The following TAFA2 variants were observed in gnomAD, a reference collection of about 807,000 sequenced individuals.
The protein encoded by TAFA2 is chemokine-like protein TAFA-2.
TAFA2 carries 7 observed loss-of-function variants against 18.8 expected under a neutral mutation model. The ratio of observed to expected loss-of-function variants is 0.37; its 90% CI spans 0.21 to 0.70. TAFA2 has a LOEUF of 0.70. Ranked by LOEUF, TAFA2 falls within the 30% of genes least tolerant of loss-of-function variation. The pLI is 0.53. For missense variants in TAFA2, 122 were observed against 158.1 expected, an observed-to-expected ratio of 0.77 and a Z score of 1.23; for synonymous variants, 60 against 54.2, an observed-to-expected ratio of 1.11 and a Z score of -0.47.
intron 1 of TAFA2, among the ~76,000 whole-genome samples, chr12:62,224,338 T>G (rs1472760135): frequency 2.6e-5 from 4 of 152,084 alleles, no homozygotes; most frequent in Non-Finnish European, 5.9e-5. Context: ...TAATAGAAAT[T>G]TATTTCTTAC....
chr12:62,002,528 C>T lies in TAFA2; in HGVS notation c.-1-135102G>A, dbSNP rs191880597. ...CATAAAATTTCCTAGCTTAGACTCTCATGTCATCAGATTACATCACTCGCA... is the reference window on the plus strand; with the variant it reads ...CATAAAATTTCCTAGCTTAGACTCTTATGTCATCAGATTACATCACTCGCA... On this transcript the variant is annotated intron_variant, in intron 1 of 4. Coordinates refer to ENST00000416284, the MANE Select transcript of TAFA2 (RefSeq NM_178539.5). Among the ~76,000 whole-genome samples the T allele has an allele frequency of 1.7e-4, 26 of 152,296 alleles. No homozygotes were observed. The East Asian group carries it at 4.8e-3, about 28-fold the overall frequency.
intron 4 of TAFA2, among the ~76,000 whole-genome samples, chr12:61,730,340 G>T (rs540477091): frequency 2.0e-5 from 3 of 152,234 alleles, no homozygotes; most frequent in African/African-American, 7.2e-5. Flanking sequence ...TCTTGAGTTA[G>T]TTGGCATCCA....
chr12:61,826,759 C>G (rs1002052793), intron 2 of TAFA2, among the ~76,000 whole-genome samples: 1 of 149,760 alleles, frequency 6.7e-6, no homozygotes, highest in Middle Eastern at 3.5e-3. Flanking sequence ...TGAACTCTGT[C>G]TCTCTCTCTC....
chr12:61,814,629 C>G (rs1872003093), intron 2 of TAFA2, among the ~76,000 whole-genome samples: 1 of 151,302 alleles, frequency 6.6e-6, no homozygotes, highest in South Asian at 2.1e-4. Flanking sequence ...TTCCAAGGAC[C>G]TGTGAGTATG....
intron 1 of TAFA2, among the ~76,000 whole-genome samples, chr12:62,122,579 T>C (rs760246355): frequency 6.6e-6 from 1 of 152,220 alleles, no homozygotes; most frequent in Non-Finnish European, 1.5e-5. Flanking sequence ...GGTTAATAAC[T>C]TGAGCTAGGT....
intron 1 of TAFA2, among the ~76,000 whole-genome samples, chr12:61,997,125 A>ATG (rs554629949): frequency 6.6e-6 from 1 of 151,542 alleles, no homozygotes. Flanking sequence ...ATATATGTAT[A>ATG]TGTGTGTGTG....
At chr12:62,008,960 G>A (rs577100952) in intron 1 of TAFA2, among the ~76,000 whole-genome samples, 5 of 152,254 alleles carry the variant, frequency 3.3e-5, no homozygotes, top group Admixed American at 6.5e-5. Flanking sequence ...CTCAGATGAC[G>A]AACTTTTCTA....
chr12:62,202,889 G>A (rs896899072), intron 1 of TAFA2, among the ~76,000 whole-genome samples: 3 of 136,592 alleles, frequency 2.2e-5, no homozygotes, highest in Admixed American at 7.9e-5. Context: ...GTGCAGTGGT[G>A]CAATCGCAGC....
intron 1 of TAFA2, among the ~76,000 whole-genome samples, chr12:62,223,471 C>G (rs2062772844): frequency 6.6e-6 from 1 of 152,092 alleles, no homozygotes; most frequent in African/African-American, 2.4e-5. Context: ...GTGCCAAGAC[C>G]ATTCAATTCA....
intron 1 of TAFA2, among the ~76,000 whole-genome samples, chr12:62,173,743 T>C (rs1255613488): frequency 6.6e-6 from 1 of 152,226 alleles, no homozygotes; most frequent in Non-Finnish European, 1.5e-5. Flanking sequence ...AAATTCATCA[T>C]TTTCTTTAAC....
At chr12:61,836,736 T>A (rs1411789262) in intron 2 of TAFA2, among the ~76,000 whole-genome samples, 2 of 139,538 alleles carry the variant, frequency 1.4e-5, no homozygotes, top group Admixed American at 7.4e-5. Flanking sequence ...CAATTTGATA[T>A]ATATATATAT....
At chr12:61,934,748 G>A (rs1877696689) in intron 1 of TAFA2, among the ~76,000 whole-genome samples, 1 of 152,164 alleles carries the variant, frequency 6.6e-6, no homozygotes, top group Non-Finnish European at 1.5e-5. Flanking sequence ...CTCTAGAGAG[G>A]ACCTTTCACA....
At chr12:62,166,359 T>C (rs1461319666) in intron 1 of TAFA2, among the ~76,000 whole-genome samples, 2 of 152,130 alleles carry the variant, frequency 1.3e-5, no homozygotes, top group African/African-American at 4.8e-5. Context: ...TTTGGCAAAA[T>C]TACATGTAGT....
chr12:62,068,015 C>G (rs1030977538), intron 1 of TAFA2, among the ~76,000 whole-genome samples: 3 of 150,218 alleles, frequency 2.0e-5, no homozygotes, highest in Non-Finnish European at 4.4e-5. Flanking sequence ...TTCTTAGTGT[C>G]AGATCTTCAT....
chr12:62,081,064 G>A (rs911884691), intron 1 of TAFA2, among the ~76,000 whole-genome samples: 1 of 152,024 alleles, frequency 6.6e-6, no homozygotes, highest in African/African-American at 2.4e-5. Flanking sequence ...GCGTAGTGGG[G>A]GGCGCCTGTA....
chr12:61,929,358 A>C (rs1592494225), intron 1 of TAFA2, among the ~76,000 whole-genome samples: 2 of 152,152 alleles, frequency 1.3e-5, no homozygotes, highest in African/African-American at 2.4e-5. Context: ...ATGAACAGAC[A>C]CTTCTCAAAA....
intron 1 of TAFA2, among the ~76,000 whole-genome samples, chr12:61,897,913 A>G (rs188354450): frequency 6.6e-6 from 1 of 152,350 alleles, no homozygotes; most frequent in African/African-American, 2.4e-5. Context: ...TCCTCGTAGA[A>G]GCCTGTAAAA....
At chr12:61,842,790 A>G (rs947873215) in intron 2 of TAFA2, among the ~76,000 whole-genome samples, 3 of 152,174 alleles carry the variant, frequency 2.0e-5, no homozygotes, top group Non-Finnish European at 2.9e-5. Flanking sequence ...ACATTGAAGT[A>G]GACATCTTTC....
chr12:62,237,443 C>A (rs1200287126), intron 1 of TAFA2, among the ~76,000 whole-genome samples: 2 of 152,108 alleles, frequency 1.3e-5, no homozygotes, highest in African/African-American at 4.8e-5. Context: ...TATTGTTTTG[C>A]TGTGTTATCT....
Sources: allele counts gnomAD v4.1 joint callset (sites outside exome capture counted in the v4.1 genomes callset), GRCh38; gene constraint gnomAD v4.1.1; transcripts MANE v1.5; gene names NCBI Gene and HGNC (gene_info 2026-07-23, HGNC 2026-07-21).